Variants in ZNF451 observed in about 807,000 individuals in gnomAD.
ZNF451 encodes the protein zinc finger protein 451.
In ZNF451, 80 loss-of-function variants were observed where a neutral mutation model predicts 107.1. The ratio of observed to expected loss-of-function variants is 0.75; its 90% CI spans 0.62 to 0.90. The LOEUF (loss-of-function observed/expected upper bound fraction) is 0.90, where lower values mean the gene tolerates loss of function less well. Among genes scored for constraint, ZNF451 ranks in the 40% least tolerant of loss-of-function variants. ZNF451 has a pLI of 0.00. For missense variants in ZNF451, 1,107 were observed against 1,236.2 expected, an observed-to-expected ratio of 0.90 and a Z score of 1.57; for synonymous variants, 362 against 406.5, an observed-to-expected ratio of 0.89 and a Z score of 1.32.
intron 3 of ZNF451, chr6:57,107,222 C>G (rs1230522060): frequency 4.1e-6 from 4 of 985,198 alleles, no homozygotes; most frequent in Non-Finnish European, 4.8e-6. Context: ...CTCCTGTATT[C>G]AACACCTCTT....
chr6:57,095,326 CTTTTTTTTTTT>C (rs764972958), intron 2 of ZNF451, among the ~76,000 whole-genome samples: 4 of 107,806 alleles, frequency 3.7e-5, no homozygotes, highest in Admixed American at 9.5e-5. Flanking sequence ...TTCTGTGATA[CTTTTTTTTTTT>C]TTTTTTTTTT....
chr6:57,099,340 G>GA (rs1323121338), intron 3 of ZNF451, 199 bp downstream of exon 3: 3 of 644,920 alleles, frequency 4.7e-6, no homozygotes, highest in African/African-American at 3.7e-5. Context: ...ATGAGATTAT[G>GA]AAAAAAATGA....
intron 2 of ZNF451, among the ~76,000 whole-genome samples, chr6:57,097,031 A>ATGG (rs1829362606): frequency 6.6e-6 from 1 of 151,964 alleles, no homozygotes; most frequent in Non-Finnish European, 1.5e-5. Context: ...CTGCCTCCCA[A>ATGG]GGTGCTGGAA....
In ZNF451 at chr6:57,108,560, G is replaced by T. The variant is rs867445643; in HGVS notation, c.186+9419G>T. ...TTAATTTACATCTAACTACTGTTAG[G>T]TATGCAGCCCGTTCCTTTTTGCCTT... On this transcript the variant is annotated intron_variant, in intron 3 of 14. Transcript: ENST00000370706. 4.1e-6 allele frequency: 4 copies of T among 985,198 alleles called. No homozygotes were observed. In the Middle Eastern group the frequency reaches 2.1e-3, roughly 515 times the overall value. 61.0% of individuals were successfully genotyped at this position (985,198 alleles called of 1,614,324 possible).
intron 14 of ZNF451, among the ~76,000 whole-genome samples, chr6:57,166,837 T>G (rs925286401): frequency 7.9e-5 from 12 of 152,200 alleles, no homozygotes; most frequent in African/African-American, 2.4e-4. Flanking sequence ...TATGACATAA[T>G]TAGGCAATAG....
intron 14 of ZNF451, among the ~76,000 whole-genome samples, chr6:57,166,469 G>C (rs1204560757): frequency 6.6e-6 from 1 of 152,090 alleles, no homozygotes; most frequent in Non-Finnish European, 1.5e-5. Context: ...CAGCTATAGA[G>C]AAATATTTTC....
At chr6:57,141,527 C>A in intron 8 of ZNF451, 72 bp downstream of exon 8, 1 of 1,351,478 alleles carries the variant, frequency 7.4e-7, no homozygotes, top group South Asian at 1.6e-5. Flanking sequence ...CTTCTCAGAT[C>A]ATTCTTGAGA....
chr6:57,106,608 GA>G (rs753312393), intron 3 of ZNF451: 64 of 847,544 alleles, frequency 7.6e-5, no homozygotes, highest in South Asian at 1.6e-4. Context: ...GCCTGGCTGT[GA>G]AATTTTTTTT....
At chr6:57,108,303 A>G in intron 3 of ZNF451, 1 of 985,436 alleles carries the variant, frequency 1.0e-6, no homozygotes. Context: ...GCTCTATCAC[A>G]GCATTTACTG....
intron 3 of ZNF451, chr6:57,116,365 A>G (rs1830371038): frequency 6.6e-6 from 1 of 152,338 alleles, no homozygotes; most frequent in African/African-American, 2.4e-5. Context: ...CAGCCTGGCC[A>G]ACATGGCGAA....
At chr6:57,109,055 C>T in intron 3 of ZNF451, 2 of 985,396 alleles carry the variant, frequency 2.0e-6, no homozygotes, top group Non-Finnish European at 2.4e-6. Flanking sequence ...TATGGCTTTA[C>T]TGTCACCCCA....
At chr6:57,137,048 C>T (rs1205881455) in intron 7 of ZNF451, among the ~76,000 whole-genome samples, 1 of 152,098 alleles carries the variant, frequency 6.6e-6, no homozygotes, top group Non-Finnish European at 1.5e-5. Context: ...AAAATGGTAT[C>T]GTTATGCTTA....
chr6:57,131,617 G>C (rs1428243359), intron 5 of ZNF451, among the ~76,000 whole-genome samples: 1 of 152,092 alleles, frequency 6.6e-6, no homozygotes, highest in African/African-American at 2.4e-5. Context: ...TTTGATAGAG[G>C]TATTCCCCCA....
intron 7 of ZNF451, among the ~76,000 whole-genome samples, chr6:57,136,372 A>G (rs1831426969): frequency 6.6e-6 from 1 of 152,130 alleles, no homozygotes; most frequent in Non-Finnish European, 1.5e-5. Context: ...TGGCATTAGA[A>G]TGGCAGTATT....
chr6:57,145,485 G>A (rs1014622228), intron 9 of ZNF451, among the ~76,000 whole-genome samples: 6 of 151,972 alleles, frequency 3.9e-5, no homozygotes, highest in African/African-American at 1.4e-4. Flanking sequence ...TTCAATATCT[G>A]TTTATTATTC....
rs4712141 is a variant in ZNF451 at position 57,090,338 on chromosome 6, G to C, written c.21+64G>C. On this transcript the variant is annotated intron_variant, in intron 1 of 14. Transcript: ENST00000370706. The stretch of plus-strand genomic sequence containing the variant: ...GAACCGCGAAGGGTTTGTGTTTTCT[G>C]CGGTCTGAGGCCTGGTGCTCCGTCG... 8.9e-3 allele frequency: 14,095 copies of C among 1,591,482 alleles called. 538 individuals carry two copies. The East Asian group carries it at 0.12, about 13-fold the overall frequency.
intron 3 of ZNF451, among the ~76,000 whole-genome samples, chr6:57,113,916 C>T (rs114482680): frequency 0.11 from 17,225 of 152,066 alleles, 1,167 homozygotes; most frequent in African/African-American, 0.17. Context: ...CACGCCACCG[C>T]GCCCAGCCGA....
rs1368918742 is a variant in ZNF451 at position 57,132,902 on chromosome 6, G to A, written c.425-140G>A. 6.2e-6 allele frequency: 5 copies of A among 808,570 alleles called. No individual in the cohort carries two copies. The Admixed American group carries it at 1.2e-4, about 20-fold the overall frequency. The allele number at this position is 808,570 out of a possible 1,614,324, so 50.1% of individuals were successfully genotyped here. A position where few individuals can be genotyped will look rare whatever the true frequency, so the allele number is the denominator to read the frequency against. ...TTAGGTTATTATATCTTTTATAAGAGAGGTTTTAAACAATTATAATTAGCA... is the reference window on the plus strand; with the variant it reads ...TTAGGTTATTATATCTTTTATAAGAAAGGTTTTAAACAATTATAATTAGCA... On this transcript the variant is annotated intron_variant, in intron 5 of 14. Transcript: ENST00000370706.
At chr6:57,103,861 A>G (rs1829721847) in intron 3 of ZNF451, 16 of 985,050 alleles carry the variant, frequency 1.6e-5, no homozygotes, top group Non-Finnish European at 1.9e-5. Context: ...CTCCCCCATC[A>G]TAACCATATT....
Sources: allele counts gnomAD v4.1 joint callset (sites outside exome capture counted in the v4.1 genomes callset), GRCh38; gene constraint gnomAD v4.1.1; transcripts MANE v1.5; gene names NCBI Gene and HGNC (gene_info 2026-07-23, HGNC 2026-07-21).